TPPP: variants seen among roughly 807,000 people sequenced by gnomAD.
The protein encoded by TPPP is tubulin polymerization-promoting protein.
A neutral mutation model predicts 15.5 loss-of-function variants in TPPP; 6 were observed. That is an observed-to-expected ratio of 0.39 (90% CI 0.21 to 0.77). TPPP has a LOEUF of 0.77. Ranked by LOEUF, TPPP falls within the 30% of genes least tolerant of loss-of-function variation. TPPP has a pLI of 0.42. For missense variants in TPPP, 269 were observed against 307.2 expected (o/e 0.88, Z 0.93); for synonymous variants, 146 against 133.9 (o/e 1.09, Z -0.63).
chr5:666,363 T>C (rs1739913852), intron 2 of TPPP, among the ~76,000 whole-genome samples: 1 of 152,218 alleles, frequency 6.6e-6, no homozygotes, highest in African/African-American at 2.4e-5. Flanking sequence ...ACAGGGTGTG[T>C]GCGGGTCTGC....
rs1038868604 is a variant in TPPP at position 663,218 on chromosome 5, G to A, written c.*1884C>T. On this transcript the variant is annotated 3_prime_UTR_variant, in exon 4 of 4. Transcript: ENST00000360578. ...CCGGTGACCGCTCGTCTGTGATCGG[G>A]TGATTCCGAACCGCACATTCAGAGT... The A allele has an allele frequency of 2.0e-5, 3 of 152,374 alleles. No individual in the cohort carries two copies. The highest frequency in any genetic ancestry group is 7.2e-5 in the African/African-American group (3 of 41,458). 9.4% of individuals were successfully genotyped at this position (152,374 alleles called of 1,614,324 possible).
At chr5:666,940 A>T (rs1318268378) in intron 2 of TPPP, 1 of 152,222 alleles carries the variant, frequency 6.6e-6, no homozygotes, top group Non-Finnish European at 1.5e-5. Context: ...TCAGCTCTGC[A>T]AAAGGCACCT....
intron 1 of TPPP, among the ~76,000 whole-genome samples, chr5:679,131 C>T (rs190969555): frequency 2.0e-5 from 3 of 152,308 alleles, no homozygotes; most frequent in African/African-American, 7.2e-5. Flanking sequence ...TCACGAAGCC[C>T]TCTCAGATCT....
At chr5:669,855 C>T (rs1012745757) in intron 2 of TPPP, among the ~76,000 whole-genome samples, 29 of 152,130 alleles carry the variant, frequency 1.9e-4, no homozygotes, top group Admixed American at 3.3e-4. Flanking sequence ...GTGCCTGCCT[C>T]TTCCCCAGAG....
chr5:671,709 G>T (rs187422385), intron 2 of TPPP, among the ~76,000 whole-genome samples: 1 of 152,206 alleles, frequency 6.6e-6, no homozygotes, highest in Non-Finnish European at 1.5e-5. Context: ...GGGTCCCCCC[G>T]CAGGGGCTCC....
chr5:686,378 C>T (rs1337797501), intron 1 of TPPP, among the ~76,000 whole-genome samples: 13 of 151,032 alleles, frequency 8.6e-5, no homozygotes, highest in Non-Finnish European at 1.3e-4. Flanking sequence ...AGAAAACAGC[C>T]GAGGCTCTCA....
At chr5:666,148 G>GCACAGGCGACTTAGGT in intron 2 of TPPP, 25 bp from the exon 3 acceptor site, 1 of 1,604,322 alleles carries the variant, frequency 6.2e-7, no homozygotes, top group Non-Finnish European at 8.5e-7. Flanking sequence ...GCGACTTAGG[G>GCACAGGCGACTTAGGT]CTGGGCGCGG....
In TPPP at chr5:665,090, A is replaced by G. The variant is rs780210857; in HGVS notation, c.*12T>C. 1 of 1,606,014 alleles carries G rather than the reference A, an allele frequency of 6.2e-7. No individual in the cohort carries two copies. The highest frequency in any genetic ancestry group is 1.1e-5 in the South Asian group (1 of 91,008). On this transcript the variant is annotated 3_prime_UTR_variant, in exon 4 of 4. Coordinates refer to ENST00000360578, the MANE Select transcript of TPPP (RefSeq NM_007030.3). ...GGGGACACCGGCAGTGCCGCGAGGC[A>G]TGGAGCGGGGGCTACTTGCCCCCTT... is the stretch of plus-strand genomic sequence containing the variant.
intron 2 of TPPP, among the ~76,000 whole-genome samples, chr5:669,994 C>G (rs1219495224): frequency 6.6e-6 from 1 of 152,188 alleles, no homozygotes; most frequent in Non-Finnish European, 1.5e-5. Context: ...AGCCCGGCGC[C>G]CTGCCCCAAA....
Position 659,898 on chromosome 5 carries a change from C to T in TPPP, c.*5204G>A, listed in dbSNP as rs1423904465. 7 of 152,376 alleles carry T rather than the reference C, an allele frequency of 4.6e-5. No homozygotes were observed. Among genetic ancestry groups the T allele is most frequent in the African/African-American group, 1.7e-4 (7 of 41,454 alleles). The allele number at this position is 152,376 out of a possible 1,614,324, so 9.4% of individuals were successfully genotyped here. A position where few individuals can be genotyped will look rare whatever the true frequency, so the allele number is the denominator to read the frequency against. The stretch of plus-strand genomic sequence containing the variant: ...ACACCTTTATTTGTCACTTTACCAA[C>T]TTGACACACAATGTTAACGACAGCA... On this transcript the variant is annotated 3_prime_UTR_variant, in exon 4 of 4. Coordinates refer to ENST00000360578, the MANE Select transcript of TPPP (RefSeq NM_007030.3).
intron 1 of TPPP, among the ~76,000 whole-genome samples, chr5:686,541 G>C (rs1740772768): frequency 6.9e-6 from 1 of 145,330 alleles, no homozygotes. Flanking sequence ...CCGGGTCCAG[G>C]GCACCTGCAG....
chr5:676,919 CAG>C (rs1740461925), intron 2 of TPPP, among the ~76,000 whole-genome samples: 1 of 149,734 alleles, frequency 6.7e-6, no homozygotes, highest in South Asian at 2.1e-4. Context: ...ATACACGACG[CAG>C]AAACGCACGC....
intron 2 of TPPP, among the ~76,000 whole-genome samples, chr5:672,641 C>T (rs1740263451): frequency 6.6e-6 from 1 of 152,228 alleles, no homozygotes; most frequent in Non-Finnish European, 1.5e-5. Flanking sequence ...CCCAGGGGTC[C>T]TGAGGCACCC....
rs1016205971 is a variant in TPPP at position 663,317 on chromosome 5, C to T, written c.*1785G>A. ...AGCCAGGTTCAGCGGGGGCACAGGG[C>T]TGGGCTTGGGCACCCCCCGCCTTCC... On this transcript the variant is annotated 3_prime_UTR_variant, in exon 4 of 4. Transcript: ENST00000360578. 1.3e-5 allele frequency: 2 copies of T among 152,492 alleles called. No individual in the cohort carries two copies. The highest frequency in any genetic ancestry group is 2.9e-5 in the Non-Finnish European group (2 of 68,100). The allele number at this position is 152,492 out of a possible 1,614,324, so 9.4% of individuals were successfully genotyped here.
intron 2 of TPPP, among the ~76,000 whole-genome samples, chr5:672,088 G>T (rs1740242552): frequency 6.6e-6 from 1 of 152,236 alleles, no homozygotes; most frequent in East Asian, 1.9e-4. Context: ...CCAAACCTGG[G>T]TCCTGCTCCT....
In TPPP at chr5:665,099, G is replaced by A. The variant is rs562343856; in HGVS notation, c.*3C>T. 4.0e-5 allele frequency: 65 copies of A among 1,608,514 alleles called. No individual in the cohort carries two copies. In the East Asian group the frequency reaches 1.4e-3, roughly 34 times the overall value. On this transcript the variant is annotated 3_prime_UTR_variant, in exon 4 of 4. Coordinates refer to ENST00000360578, the MANE Select transcript of TPPP (RefSeq NM_007030.3). ...GGCAGTGCCGCGAGGCATGGAGCGG[G>A]GGCTACTTGCCCCCTTGCACCTTCT...
At chr5:681,157 G>A (rs1027304352) in intron 1 of TPPP, among the ~76,000 whole-genome samples, 1 of 152,216 alleles carries the variant, frequency 6.6e-6, no homozygotes, top group Non-Finnish European at 1.5e-5. Flanking sequence ...TGGATGGGCA[G>A]AGGCCAGGTG....
rs965319475 is a variant in TPPP at position 661,413 on chromosome 5, C to A, written c.*3689G>T. Reference sequence around the variant, plus strand: ...CCCATGACAGAACCTGTCCCTGTGTCCTGGTGTCACCCCCGACAGAACCTG... The same window carrying A: ...CCCATGACAGAACCTGTCCCTGTGTACTGGTGTCACCCCCGACAGAACCTG... On this transcript the variant is annotated 3_prime_UTR_variant, in exon 4 of 4. Transcript: ENST00000360578. The A allele has an allele frequency of 6.6e-6, 1 of 152,410 alleles. No homozygotes were observed. Among genetic ancestry groups the A allele is most frequent in the Non-Finnish European group, 1.5e-5 (1 of 68,130 alleles). The allele number at this position is 152,410 out of a possible 1,614,324, so 9.4% of individuals were successfully genotyped here.
chr5:672,088 G>GT (rs1740242636), intron 2 of TPPP, among the ~76,000 whole-genome samples: 1 of 152,236 alleles, frequency 6.6e-6, no homozygotes, highest in Non-Finnish European at 1.5e-5. Context: ...CCAAACCTGG[G>GT]TCCTGCTCCT....
Sources: allele counts gnomAD v4.1 joint callset (sites outside exome capture counted in the v4.1 genomes callset), GRCh38; gene constraint gnomAD v4.1.1; transcripts MANE v1.5; gene names NCBI Gene and HGNC (gene_info 2026-07-23, HGNC 2026-07-21).